AGBL1: variants seen among roughly 807,000 people sequenced by gnomAD.
AGBL1 encodes cytosolic carboxypeptidase 4.
AGBL1 carries 130 observed loss-of-function variants against 118.9 expected under a neutral mutation model. The observed-to-expected ratio is 1.09, with a 90% confidence interval of 0.95 to 1.26. The LOEUF (loss-of-function observed/expected upper bound fraction) is 1.26. Among genes scored for constraint, AGBL1 ranks in the 50% most tolerant of loss-of-function variants. The pLI is 0.00. For missense variants in AGBL1, 1,584 were observed against 1,298.1 expected (o/e 1.22, Z -3.38); for synonymous variants, 555 against 478.9 (o/e 1.16, Z -2.08).
chr15:86,386,566 A>G (rs570141495), intron 17 of AGBL1, among the ~76,000 whole-genome samples: 4 of 151,836 alleles, frequency 2.6e-5, no homozygotes, highest in Admixed American at 6.5e-5. Flanking sequence ...CCCCACTTAA[A>G]TTCATTTCAT....
chr15:86,789,044 A>G (rs1208043613), intron 22 of AGBL1, among the ~76,000 whole-genome samples: 1 of 152,200 alleles, frequency 6.6e-6, no homozygotes, highest in East Asian at 1.9e-4. Flanking sequence ...AGAATAAGCT[A>G]AAGAACCTTC....
chr15:86,754,420 G>A (rs550172824), intron 22 of AGBL1, among the ~76,000 whole-genome samples: 1 of 152,220 alleles, frequency 6.6e-6, no homozygotes, highest in African/African-American at 2.4e-5. Context: ...CTGTCACCAG[G>A]TAGGTTCTGA....
intron 22 of AGBL1, among the ~76,000 whole-genome samples, chr15:86,780,785 T>G (rs1003004233): frequency 3.3e-5 from 5 of 151,780 alleles, no homozygotes; most frequent in African/African-American, 9.7e-5. Flanking sequence ...TGCCTCAGTC[T>G]CAATCCCGAG....
chr15:86,216,229 C>CATTTATTTATTTATTT (rs56843379), intron 5 of AGBL1, among the ~76,000 whole-genome samples: 244 of 150,674 alleles, frequency 1.6e-3, no homozygotes, highest in African/African-American at 5.7e-3. Context: ...AACTACATGC[C>CATTTATTTATTTATTT]ATTTATTTAT....
intron 22 of AGBL1, among the ~76,000 whole-genome samples, chr15:86,814,146 C>T (rs374466584): frequency 1.1e-4 from 17 of 152,268 alleles, no homozygotes; most frequent in African/African-American, 3.1e-4. Context: ...TGCAAGTGAG[C>T]GAGCATTACC....
At chr15:86,919,766 T>C (rs1227195873), downstream of AGBL1, among the ~76,000 whole-genome samples, 1 of 152,224 alleles carries the variant, frequency 6.6e-6, no homozygotes, top group Non-Finnish European at 1.5e-5. Flanking sequence ...CGATGTTTTA[T>C]AATTGGTGTT....
intron 18 of AGBL1, among the ~76,000 whole-genome samples, chr15:86,497,795 C>A (rs1459694309): frequency 6.6e-6 from 1 of 151,950 alleles, no homozygotes; most frequent in Non-Finnish European, 1.5e-5. Context: ...CAGTTCCTGA[C>A]CTTTTTCTCA....
At chr15:86,954,991 A>G (rs949163204) in intron 23 of AGBL1, among the ~76,000 whole-genome samples, 1 of 152,148 alleles carries the variant, frequency 6.6e-6, no homozygotes, top group African/African-American at 2.4e-5. Flanking sequence ...GTGTAAGTTC[A>G]AGTGGTACTA....
intron 21 of AGBL1, among the ~76,000 whole-genome samples, chr15:86,558,257 G>A (rs1204472868): frequency 1.3e-5 from 2 of 152,166 alleles, no homozygotes; most frequent in Non-Finnish European, 2.9e-5. Flanking sequence ...GTTGTTCACA[G>A]CTGTGTCTAT....
chr15:86,327,716 A>C (rs937393450), intron 17 of AGBL1, among the ~76,000 whole-genome samples: 1 of 152,246 alleles, frequency 6.6e-6, no homozygotes, highest in African/African-American at 2.4e-5. Flanking sequence ...AATTGCCCAA[A>C]GAGACAGGTA....
chr15:87,014,884 G>C (rs377137570), intron 24 of AGBL1, among the ~76,000 whole-genome samples: 4 of 152,004 alleles, frequency 2.6e-5, no homozygotes, highest in African/African-American at 9.7e-5. Flanking sequence ...CGACTTCACT[G>C]AATAGAGGGC....
At chr15:86,221,983 T>C (rs1026489242) in intron 5 of AGBL1, among the ~76,000 whole-genome samples, 3 of 152,184 alleles carry the variant, frequency 2.0e-5, no homozygotes, top group Non-Finnish European at 2.9e-5. Context: ...TGAAAAACAG[T>C]GTGCCTAGAC....
At chr15:86,733,756 T>G (rs2077557994) in intron 22 of AGBL1, among the ~76,000 whole-genome samples, 1 of 152,146 alleles carries the variant, frequency 6.6e-6, no homozygotes, top group Admixed American at 6.5e-5. Flanking sequence ...AATTCAAAGA[T>G]CTTCTCCCAG....
chr15:86,967,140 G>A (rs926694458), intron 23 of AGBL1, among the ~76,000 whole-genome samples: 5 of 152,090 alleles, frequency 3.3e-5, no homozygotes, highest in Non-Finnish European at 2.9e-5. Flanking sequence ...AGAAGCGTCT[G>A]TTCATATCCT....
chr15:86,753,783 G>T (rs780384666), intron 22 of AGBL1, among the ~76,000 whole-genome samples: 39 of 152,056 alleles, frequency 2.6e-4, no homozygotes, highest in Non-Finnish European at 4.6e-4. Flanking sequence ...ACAAACACTT[G>T]TCCAGGTTAA....
chr15:86,932,278 C>G (rs1254289806), intron 23 of AGBL1, among the ~76,000 whole-genome samples: 1 of 152,160 alleles, frequency 6.6e-6, no homozygotes, highest in Non-Finnish European at 1.5e-5. Context: ...AATTTCTAAA[C>G]ATGATATTAC....
At position 86,546,072 on chromosome 15, in the gene AGBL1, C is replaced by A; in HGVS notation, c.2756C>A (p.Thr919Asn). 22 of 1,613,390 alleles carry A rather than the reference C, an allele frequency of 1.4e-5. 1 individual carries two copies. The highest frequency in any genetic ancestry group is 3.3e-4 in the Middle Eastern group (2 of 6,056). Residue 919 changes from threonine (T) to asparagine (N), a missense_variant, in exon 20 of 23, where the codon ACC becomes AAC. Thr to Asn is a moderately conservative substitution (Grantham distance 65). Coordinates refer to ENST00000614907, the MANE Select transcript of AGBL1 (RefSeq NM_001386094.1). Reference protein sequence around the residue: ...VFLYGCSIKETLWQAACTVGT... With the variant: ...VFLYGCSIKENLWQAACTVGT... ...CTTTATGGCTGTAGCATCAAGGAAA[C>A]CTTGTGGCAAGCAGCATGCACTGTG... is the stretch of plus-strand genomic sequence containing the variant.
chr15:86,378,804 C>T (rs2081073073), intron 17 of AGBL1, among the ~76,000 whole-genome samples: 1 of 152,084 alleles, frequency 6.6e-6, no homozygotes. Context: ...AACCAACTGC[C>T]CCAGTTTTCC....
intron 23 of AGBL1, among the ~76,000 whole-genome samples, chr15:86,976,606 T>C (rs75043891): frequency 2.8e-3 from 433 of 152,148 alleles, no homozygotes; most frequent in Non-Finnish European, 5.4e-3. Context: ...TACTGCCAAA[T>C]TGTCTTTAAA....
Sources: allele counts gnomAD v4.1 joint callset (sites outside exome capture counted in the v4.1 genomes callset), GRCh38; gene constraint gnomAD v4.1.1; transcripts MANE v1.5; gene names NCBI Gene and HGNC (gene_info 2026-07-23, HGNC 2026-07-21).